The following ELOVL7 variants were observed in gnomAD, a reference collection of about 807,000 sequenced individuals.
ELOVL7 encodes the protein ELOVL fatty acid elongase 7.
ELOVL7 carries 27 observed loss-of-function variants against 35.7 expected under a neutral mutation model. That is an observed-to-expected ratio of 0.76 (90% CI 0.56 to 1.04). The LOEUF is 1.04. ELOVL7 is among the 50% of genes least tolerant of loss of function. The pLI is 0.00. For missense variants in ELOVL7, 327 were observed against 340.8 expected, an observed-to-expected ratio of 0.96 and a Z score of 0.32; for synonymous variants, 113 against 114.6, an observed-to-expected ratio of 0.99 and a Z score of 0.09.
intron 4 of ELOVL7, chr5:60,768,536 G>A (rs1742382225): frequency 3.3e-6 from 1 of 303,532 alleles, no homozygotes; most frequent in African/African-American, 2.2e-5. Context: ...CAATCTGGCA[G>A]GCCTTAATTC....
intron 1 of ELOVL7, among the ~76,000 whole-genome samples, chr5:60,801,128 A>G (rs1744585654): frequency 6.6e-6 from 1 of 151,744 alleles, no homozygotes; most frequent in African/African-American, 2.4e-5. Context: ...GTGTCTTACT[A>G]TGTTGCCCGG....
chr5:60,769,511 G>A (rs1742444249), intron 4 of ELOVL7, among the ~76,000 whole-genome samples: 1 of 152,196 alleles, frequency 6.6e-6, no homozygotes. Flanking sequence ...AGTTTCTTGA[G>A]TCTGATGTCC....
At chr5:60,833,422 T>G (rs1746602699) in intron 1 of ELOVL7, among the ~76,000 whole-genome samples, 1 of 152,190 alleles carries the variant, frequency 6.6e-6, no homozygotes, top group South Asian at 2.1e-4. Flanking sequence ...AGAGATGTCC[T>G]GTGGGACTGA....
At chr5:60,766,945 A>G (rs898769614) in intron 5 of ELOVL7, among the ~76,000 whole-genome samples, 33 of 152,242 alleles carry the variant, frequency 2.2e-4, no homozygotes, top group African/African-American at 8.0e-4. Flanking sequence ...AAGCCAAATC[A>G]TGCAGTATAT....
rs1163782767 is a variant in ELOVL7 at position 60,843,121 on chromosome 5, GA to G, written c.-86+1038del. Among the ~76,000 whole-genome samples, 17 of 152,296 alleles carry G rather than the reference GA, an allele frequency of 1.1e-4. 1 individual carries two copies. The South Asian group carries it at 3.5e-3, about 32-fold the overall frequency. ...GTAATCCGAGAGCACAGGGTTAAGTGAACATGCTTTCCGAGGGGAGATCGTA... is the reference window on the plus strand; with the variant it reads ...GTAATCCGAGAGCACAGGGTTAAGTGACATGCTTTCCGAGGGGAGATCGTA... On this transcript the variant is annotated intron_variant, in intron 1 of 8. Coordinates refer to ENST00000508821, the MANE Select transcript of ELOVL7 (RefSeq NM_024930.3).
intron 2 of ELOVL7, among the ~76,000 whole-genome samples, chr5:60,790,094 G>A (rs1398588889): frequency 1.3e-5 from 2 of 151,972 alleles, no homozygotes; most frequent in Non-Finnish European, 2.9e-5. Context: ...CCAAGATTGC[G>A]CCATTGCACT....
At chr5:60,814,561 C>T (rs1455989950) in intron 1 of ELOVL7, among the ~76,000 whole-genome samples, 1 of 152,162 alleles carries the variant, frequency 6.6e-6, no homozygotes, top group Non-Finnish European at 1.5e-5. Flanking sequence ...GGGTCATGTA[C>T]TGTGCTAGGT....
chr5:60,792,075 C>A (rs910086143), intron 2 of ELOVL7, among the ~76,000 whole-genome samples: 1 of 151,636 alleles, frequency 6.6e-6, no homozygotes. Context: ...AAGACTGAGA[C>A]GAAGGAAGGA....
At chr5:60,821,362 T>G (rs1248008283) in intron 1 of ELOVL7, among the ~76,000 whole-genome samples, 1 of 152,178 alleles carries the variant, frequency 6.6e-6, no homozygotes, top group Non-Finnish European at 1.5e-5. Flanking sequence ...ACGAATGATC[T>G]CAACCCCACG....
chr5:60,770,206 A>G (rs1280549570), intron 4 of ELOVL7, among the ~76,000 whole-genome samples: 1 of 152,202 alleles, frequency 6.6e-6, no homozygotes, highest in African/African-American at 2.4e-5. Context: ...CTTCTTTTAC[A>G]TTGTAATTGA....
intron 2 of ELOVL7, among the ~76,000 whole-genome samples, chr5:60,794,889 G>T (rs1203457406): frequency 6.6e-6 from 1 of 152,122 alleles, no homozygotes; most frequent in African/African-American, 2.4e-5. Flanking sequence ...TGGAACTGGG[G>T]ACTGCAGGGT....
chr5:60,758,655 A>G (rs1741694311), intron 7 of ELOVL7, among the ~76,000 whole-genome samples: 2 of 152,224 alleles, frequency 1.3e-5, no homozygotes, highest in East Asian at 1.9e-4. Context: ...TGGGAATGTA[A>G]GAAAAAATCA....
chr5:60,791,402 C>T (rs1387626308), intron 2 of ELOVL7, among the ~76,000 whole-genome samples: 2 of 152,160 alleles, frequency 1.3e-5, no homozygotes, highest in Admixed American at 6.5e-5. Context: ...GAGGAGGATG[C>T]AGTCTGTAAA....
chr5:60,831,816 T>C (rs1400787943), intron 1 of ELOVL7, among the ~76,000 whole-genome samples: 4 of 152,180 alleles, frequency 2.6e-5, no homozygotes, highest in Non-Finnish European at 5.9e-5. Flanking sequence ...CCATTAGAGT[T>C]GTGGTTACTC....
chr5:60,813,054 A>T (rs2112325599), intron 1 of ELOVL7, among the ~76,000 whole-genome samples: 1 of 152,266 alleles, frequency 6.6e-6, no homozygotes, highest in Admixed American at 6.5e-5. Context: ...GCCAATAAAC[A>T]TTATAATTTG....
intron 7 of ELOVL7, 27 bp from the exon 8 acceptor site, chr5:60,757,672 G>A (rs748788441): frequency 2.6e-6 from 4 of 1,521,778 alleles, no homozygotes; most frequent in Non-Finnish European, 3.6e-6. Context: ...TTGTAACATG[G>A]GGCCATTGTT....
intron 6 of ELOVL7, 110 bp downstream of exon 6, chr5:60,766,464 T>C (rs1742241960): frequency 1.1e-6 from 1 of 915,262 alleles, no homozygotes; most frequent in Non-Finnish European, 1.7e-6. Context: ...TAACCAAAGT[T>C]ATCAGACAAC....
intron 2 of ELOVL7, among the ~76,000 whole-genome samples, chr5:60,788,497 G>A (rs985971289): frequency 2.6e-5 from 4 of 151,942 alleles, no homozygotes; most frequent in African/African-American, 7.3e-5. Flanking sequence ...AAAATTGGCC[G>A]GGTGCAGTGG....
intron 5 of ELOVL7, among the ~76,000 whole-genome samples, chr5:60,766,873 T>C (rs1349734905): frequency 6.6e-6 from 1 of 152,170 alleles, no homozygotes; most frequent in African/African-American, 2.4e-5. Context: ...TCTCCCTCTC[T>C]AACCCCAGCT....
Sources: allele counts gnomAD v4.1 joint callset (sites outside exome capture counted in the v4.1 genomes callset), GRCh38; gene constraint gnomAD v4.1.1; transcripts MANE v1.5; gene names NCBI Gene and HGNC (gene_info 2026-07-23, HGNC 2026-07-21).